R3HCC1L: variants seen among roughly 807,000 people sequenced by gnomAD.
The protein encoded by R3HCC1L is coiled-coil domain-containing protein R3HCC1L.
In R3HCC1L, 51 loss-of-function variants were observed where a neutral mutation model predicts 59.9. The ratio of observed to expected loss-of-function variants is 0.85; its 90% confidence interval spans 0.68 to 1.07. The LOEUF is 1.07. Ranked by LOEUF, R3HCC1L falls within the 50% of genes least tolerant of loss-of-function variation. R3HCC1L has a pLI of 0.00. For missense variants in R3HCC1L, 965 were observed against 933.0 expected, an observed-to-expected ratio of 1.03 and a Z score of -0.45; for synonymous variants, 322 against 315.2, an observed-to-expected ratio of 1.02 and a Z score of -0.23.
intron 2 of R3HCC1L, among the ~76,000 whole-genome samples, chr10:98,162,351 A>C (rs1327153279): frequency 6.6e-6 from 1 of 152,218 alleles, no homozygotes; most frequent in African/African-American, 2.4e-5. Flanking sequence ...TTGACACATA[A>C]AAGTTTCTGA....
At chr10:98,223,894 C>T (rs370615457) in intron 5 of R3HCC1L, among the ~76,000 whole-genome samples, 6 of 152,042 alleles carry the variant, frequency 3.9e-5, no homozygotes, top group Middle Eastern at 3.4e-3. Flanking sequence ...GCTGGGTGAG[C>T]GTATGGGTCC....
chr10:98,158,866 G>C (rs1655967485), intron 2 of R3HCC1L, among the ~76,000 whole-genome samples: 2 of 151,374 alleles, frequency 1.3e-5, no homozygotes, highest in South Asian at 4.2e-4. Flanking sequence ...GAGTACAGTG[G>C]TGTGATCATG....
At chr10:98,183,853 G>A (rs889277515) in intron 4 of R3HCC1L, among the ~76,000 whole-genome samples, 12 of 151,294 alleles carry the variant, frequency 7.9e-5, no homozygotes, top group African/African-American at 1.5e-4. Context: ...TACATTTTTC[G>A]TTAGAGCATT....
At chr10:98,176,016 C>G (rs1325372504) in intron 4 of R3HCC1L, among the ~76,000 whole-genome samples, 2 of 152,006 alleles carry the variant, frequency 1.3e-5, no homozygotes, top group Non-Finnish European at 1.5e-5. Flanking sequence ...GTTTCGGCAC[C>G]ATTTTTTGGA....
intron 1 of R3HCC1L, among the ~76,000 whole-genome samples, chr10:98,142,941 A>AAAC (rs1845298553): frequency 2.0e-5 from 3 of 150,918 alleles, no homozygotes; most frequent in Non-Finnish European, 4.4e-5. Flanking sequence ...TCTCCAAAAA[A>AAAC]AAACAAACAA....
At chr10:98,199,443 A>AT (rs146538649) in intron 4 of R3HCC1L, among the ~76,000 whole-genome samples, 139 of 149,024 alleles carry the variant, frequency 9.3e-4, no homozygotes, top group African/African-American at 1.1e-3. Context: ...AATTTTAGTG[A>AT]TTTTTTTTTT....
chr10:98,228,302 G>A (rs1313350015), intron 5 of R3HCC1L, among the ~76,000 whole-genome samples: 2 of 152,158 alleles, frequency 1.3e-5, no homozygotes, highest in Non-Finnish European at 2.9e-5. Flanking sequence ...GTATCTCATT[G>A]TGGTTTTGAT....
chr10:98,152,607 A>G (rs1456666648), intron 1 of R3HCC1L, among the ~76,000 whole-genome samples: 4 of 94,180 alleles, frequency 4.2e-5, no homozygotes, highest in African/African-American at 1.4e-4. Flanking sequence ...CCAGCCGCCC[A>G]TAGTCTGAGA....
chr10:98,176,111 T>C (rs1187042655), intron 4 of R3HCC1L, among the ~76,000 whole-genome samples: 1 of 152,158 alleles, frequency 6.6e-6, no homozygotes, highest in Non-Finnish European at 1.5e-5. Context: ...TTCTGGACTC[T>C]TACTGCGTTT....
chr10:98,182,586 A>G (rs960472234), intron 4 of R3HCC1L, among the ~76,000 whole-genome samples: 18 of 152,120 alleles, frequency 1.2e-4, no homozygotes, highest in African/African-American at 3.6e-4. Context: ...TCAGACAGGA[A>G]CGTTAAGTCT....
At chr10:98,235,969 C>G (rs1413051814) in intron 8 of R3HCC1L, 55 bp from the exon 9 acceptor site, 12 of 1,540,472 alleles carry the variant, frequency 7.8e-6, no homozygotes, top group Non-Finnish European at 1.1e-5. Context: ...TCACTTGAAG[C>G]TAGAGTGCTC....
At chr10:98,189,792 T>C (rs1850635705) in intron 4 of R3HCC1L, among the ~76,000 whole-genome samples, 1 of 152,220 alleles carries the variant, frequency 6.6e-6, no homozygotes, top group African/African-American at 2.4e-5. Flanking sequence ...GTTTTTAAAA[T>C]ATGAAGCCAT....
intron 5 of R3HCC1L, among the ~76,000 whole-genome samples, chr10:98,222,287 A>G (rs1365286792): frequency 6.6e-6 from 1 of 151,976 alleles, no homozygotes; most frequent in Non-Finnish European, 1.5e-5. Flanking sequence ...GGGCTGAGAC[A>G]GTGGGGTTTT....
chr10:98,174,851 A>T, intron 4 of R3HCC1L: 1 of 846,902 alleles, frequency 1.2e-6, no homozygotes, highest in Non-Finnish European at 1.4e-6. Flanking sequence ...TTTAGAAAAA[A>T]TTCTTACATA....
chr10:98,190,642 T>A (rs2134825007), intron 4 of R3HCC1L, among the ~76,000 whole-genome samples: 1 of 152,256 alleles, frequency 6.6e-6, no homozygotes, highest in Non-Finnish European at 1.5e-5. Flanking sequence ...ATATTAAGGG[T>A]AAGTATTTTA....
chr10:98,166,283 C>G (rs774758956), intron 4 of R3HCC1L, among the ~76,000 whole-genome samples: 1 of 152,186 alleles, frequency 6.6e-6, no homozygotes, highest in Admixed American at 6.5e-5. Context: ...GGGCCTGCTC[C>G]GGAACCAGGC....
Position 98,208,397 on chromosome 10 carries a change from G to A in R3HCC1L, c.283G>A (p.Asp95Asn), listed in dbSNP as rs1852997241. The A allele has an allele frequency of 6.2e-7, 1 of 1,613,698 alleles. No homozygotes were observed. Among genetic ancestry groups the A allele is most frequent in the Non-Finnish European group, 8.5e-7 (1 of 1,179,984 alleles). Residue 95 changes from aspartate (D) to asparagine (N), a missense_variant, in exon 5 of 10, where the codon GAC becomes AAC. Asp to Asn is a conservative substitution (Grantham distance 23). Transcript: ENST00000298999. ...GAAATCTTCAACAAAATTAAGAATG[G>A]ACACATGCCTTCAAAAAACAAATAG... ...EKKSSTKLRM[D>N]TCLQKTNRVC...
At position 98,202,843 on chromosome 10, in the gene R3HCC1L, A is replaced by C. The variant is rs1330768598; in HGVS notation, c.-14-5258A>C. 2.0e-5 allele frequency among the ~76,000 whole-genome samples: 3 copies of C among 151,594 alleles called. No individual in the cohort carries two copies. The South Asian group carries it at 6.3e-4, about 32-fold the overall frequency. Reference sequence around the variant, plus strand: ...TGCACTCCAGCCTGGGTGACAGAGTAAGACTCCGTCACAGGAAAAAAAAAA... The same window carrying C: ...TGCACTCCAGCCTGGGTGACAGAGTCAGACTCCGTCACAGGAAAAAAAAAA... On this transcript the variant is annotated intron_variant, in intron 4 of 9. Coordinates refer to ENST00000298999, the MANE Select transcript of R3HCC1L (RefSeq NM_001351015.2).
rs374092308 is a variant in R3HCC1L at position 98,169,526 on chromosome 10, A to G, written c.-15+6129A>G. On this transcript the variant is annotated intron_variant, in intron 4 of 9. Transcript: ENST00000298999. ...TTCTTCTTTCTCTTCCTCTACTACTACTAAATCACTGCTCTACCACTACTT... is the reference window on the plus strand; with the variant it reads ...TTCTTCTTTCTCTTCCTCTACTACTGCTAAATCACTGCTCTACCACTACTT... 2.0e-5 allele frequency among the ~76,000 whole-genome samples: 3 copies of G among 152,190 alleles called. No homozygotes were observed. The East Asian group carries it at 5.8e-4, about 29-fold the overall frequency.
Sources: allele counts gnomAD v4.1 joint callset (sites outside exome capture counted in the v4.1 genomes callset), GRCh38; gene constraint gnomAD v4.1.1; transcripts MANE v1.5; gene names NCBI Gene and HGNC (gene_info 2026-07-23, HGNC 2026-07-21).